Variants in PDE4DIP observed in about 807,000 individuals in gnomAD.
PDE4DIP encodes phosphodiesterase 4D interacting protein.
Under a neutral mutation model 221.4 loss-of-function variants are expected in PDE4DIP, and 59 were observed. That is an observed-to-expected ratio of 0.27 (90% CI 0.22 to 0.33). The LOEUF (loss-of-function observed/expected upper bound fraction) is 0.33. PDE4DIP is among the 10% of genes least tolerant of loss of function. The pLI, the probability that PDE4DIP is intolerant of heterozygous loss-of-function variation, is 1.00. For synonymous variants in PDE4DIP, 404 were observed against 815.9 expected (o/e 0.50, Z 8.60); for missense variants, 1,036 against 2,154.2 (o/e 0.48, Z 10.28).
intron 1 of PDE4DIP, among the ~76,000 whole-genome samples, chr1:148,818,434 A>C (rs1401000812): frequency 2.6e-5 from 2 of 77,990 alleles, no homozygotes; most frequent in African/African-American, 1.3e-4. Context: ...GAACCCAAGC[A>C]ACTTTTTAAA....
intron 37 of PDE4DIP, among the ~76,000 whole-genome samples, chr1:149,023,709 C>G (rs1458728102): frequency 3.6e-5 from 3 of 84,344 alleles, no homozygotes; most frequent in Non-Finnish European, 7.2e-5. Context: ...TATATATGTA[C>G]ATGTATATGT....
rs547806332 is a variant in PDE4DIP at position 148,902,761 on chromosome 1, ATG to A, written c.141+12875_141+12876del. 1.6e-4 allele frequency among the ~76,000 whole-genome samples: 17 copies of A among 104,516 alleles called. 2 individuals carry two copies. The highest frequency in any genetic ancestry group is 4.2e-4 in the African/African-American group (9 of 21,476). 68.6% of individuals were successfully genotyped at this position (104,516 alleles called of 152,430 possible). On this transcript the variant is annotated intron_variant, in intron 1 of 43. Transcript: ENST00000369354. ...ATATATATCCATCATATATATATAT[ATG>A]TGTGTGTATATACACACCACAGTTT...
At chr1:148,984,282 G>C (rs2061548786) in intron 21 of PDE4DIP, 1 of 152,026 alleles carries the variant, frequency 6.6e-6, no homozygotes, top group African/African-American at 2.4e-5. Context: ...TCTTCATTCA[G>C]TTGTGGACAG....
intron 23 of PDE4DIP, among the ~76,000 whole-genome samples, chr1:148,999,704 C>T (rs1351794785): frequency 6.6e-6 from 1 of 151,640 alleles, no homozygotes; most frequent in African/African-American, 2.4e-5. Context: ...AAGAACAGTA[C>T]ATCTCTTTTG....
At chr1:149,030,047 T>C (rs1234881260) in intron 42 of PDE4DIP, 122 bp downstream of exon 45, 1 of 924,642 alleles carries the variant, frequency 1.1e-6, no homozygotes, top group African/African-American at 1.7e-5. Flanking sequence ...TGATTTGATG[T>C]CCCCAAACCT....
chr1:148,989,644 G>C (rs1215625248), intron 21 of PDE4DIP, among the ~76,000 whole-genome samples: 1 of 152,150 alleles, frequency 6.6e-6, no homozygotes, highest in Non-Finnish European at 1.5e-5. Flanking sequence ...ACCTCATAGA[G>C]CTGTGCTTTC....
At position 148,859,832 on chromosome 1, in the gene PDE4DIP, G is replaced by GTGTGTGTGTGTA. The variant is rs1553399052; in HGVS notation, c.234-3407_234-3406insATGTGTGTGTGT. Among the ~76,000 whole-genome samples, 7 of 111,318 alleles carry GTGTGTGTGTGTA rather than the reference G, an allele frequency of 6.3e-5. No individual in the cohort carries two copies. In the South Asian group the frequency reaches 8.4e-4, roughly 13 times the overall value. 73.0% of individuals were successfully genotyped at this position (111,318 alleles called of 152,430 possible). A position where few individuals can be genotyped will look rare whatever the true frequency, so the allele number is the denominator to read the frequency against. ...TGTGTGTGTGTGTGTGTGTGTGTATGTGTGTGTGTGTGTGTGTGTCCATGC... is the reference window on the plus strand; with the variant it reads ...TGTGTGTGTGTGTGTGTGTGTGTATGTGTGTGTGTGTATGTGTGTGTGTGTGTGTGTCCATGC... On this transcript the variant is annotated intron_variant, in intron 1 of 45. Coordinates refer to the PDE4DIP transcript ENST00000524974.
chr1:148,948,087 A>G (rs1374370689), intron 5 of PDE4DIP, among the ~76,000 whole-genome samples: 1 of 140,910 alleles, frequency 7.1e-6, no homozygotes, highest in Non-Finnish European at 1.5e-5. Context: ...TAGATTAGGA[A>G]ATTAAAAGCC....
chr1:148,862,381 C>G (rs1684645418), intron 1 of PDE4DIP, among the ~76,000 whole-genome samples: 1 of 142,080 alleles, frequency 7.0e-6, no homozygotes, highest in African/African-American at 2.6e-5. Flanking sequence ...GATACTGTCC[C>G]CTCTCTGCTA....
intron 21 of PDE4DIP, chr1:148,985,455 T>C: frequency 6.6e-6 from 1 of 152,324 alleles, no homozygotes; most frequent in African/African-American, 2.4e-5. Context: ...AACATTTTAT[T>C]ATGATCAAAT....
At chr1:148,998,316 A>G (rs1553568962) in exon 23 of PDE4DIP, 3 of 1,612,256 alleles carry the variant, frequency 1.9e-6, no homozygotes, top group Non-Finnish European at 2.5e-6. Context: ...CTGAGGAGGA[A>G]CTGAAGGAGC....
rs782246707 is a variant in PDE4DIP, at chr1:149,030,143, A to G, written c.6953-89A>G. The G allele has an allele frequency of 7.5e-3, 8,543 of 1,133,596 alleles. 72 individuals are homozygous for G. The highest frequency in any genetic ancestry group is 0.017 in the Middle Eastern group (59 of 3,420). The allele number at this position is 1,133,596 out of a possible 1,614,324, so 70.2% of individuals were successfully genotyped here. A position where few individuals can be genotyped will look rare whatever the true frequency, so the allele number is the denominator to read the frequency against. On this transcript the variant is annotated intron_variant, in intron 42 of 43. Coordinates refer to ENST00000369354, the Ensembl canonical transcript of PDE4DIP. The stretch of plus-strand genomic sequence containing the variant: ...GACTCCAAGCTGAATAGCCAGAAAG[A>G]AATAAATGCTTTAGAATTCTCATGC...
intron 1 of PDE4DIP, among the ~76,000 whole-genome samples, chr1:148,912,444 C>A (rs12564830): frequency 0.059 from 7,360 of 125,300 alleles, 79 homozygotes; most frequent in East Asian, 0.34. Context: ...TCCATCACAC[C>A]AAAAAAGTTT....
At chr1:148,820,523 C>T (rs1216089963) in intron 1 of PDE4DIP, among the ~76,000 whole-genome samples, 20 of 139,996 alleles carry the variant, frequency 1.4e-4, no homozygotes, top group Admixed American at 1.2e-3. Context: ...AGCCAGATCG[C>T]GCCACTGCAC....
intron 1 of PDE4DIP, among the ~76,000 whole-genome samples, chr1:148,915,308 T>C (rs1197260643): frequency 1.3e-5 from 2 of 152,260 alleles, no homozygotes; most frequent in African/African-American, 4.8e-5. Flanking sequence ...CCACCACACC[T>C]GGCTAATTTT....
intron 43 of PDE4DIP, among the ~76,000 whole-genome samples, chr1:149,031,428 C>T (rs1183013823): frequency 2.0e-4 from 31 of 151,960 alleles, no homozygotes; most frequent in African/African-American, 7.0e-4. Context: ...CTGCTGCACC[C>T]TCATCTGTCA....
chr1:148,944,870 C>A (rs1256348382), intron 5 of PDE4DIP, among the ~76,000 whole-genome samples: 1 of 151,470 alleles, frequency 6.6e-6, no homozygotes, highest in Non-Finnish European at 1.5e-5. Flanking sequence ...GTCTCCGTCT[C>A]GGAAAAAAAC....
chr1:148,961,547 C>T (rs375140182), intron 6 of PDE4DIP, among the ~76,000 whole-genome samples: 2 of 152,146 alleles, frequency 1.3e-5, no homozygotes, highest in Non-Finnish European at 2.9e-5. Context: ...TATTAGAAAC[C>T]ACTTGCCTAC....
intron 14 of PDE4DIP, among the ~76,000 whole-genome samples, chr1:148,969,671 G>C (rs1212013122): frequency 1.3e-5 from 2 of 148,878 alleles, no homozygotes; most frequent in East Asian, 4.0e-4. Context: ...TAATAGTACA[G>C]GGTATATTAA....
Sources: allele counts gnomAD v4.1 joint callset (sites outside exome capture counted in the v4.1 genomes callset), GRCh38; gene constraint gnomAD v4.1.1; transcripts MANE v1.5; gene names NCBI Gene and HGNC (gene_info 2026-07-23, HGNC 2026-07-21).